RBFOX1: variants seen among roughly 807,000 people sequenced by gnomAD.
RBFOX1 encodes RNA binding protein fox-1 homolog 1.
In RBFOX1, 8 loss-of-function variants were observed where a neutral mutation model predicts 57.7. The observed-to-expected ratio is 0.14, with a 90% CI of 0.08 to 0.25. RBFOX1 has a LOEUF of 0.25. RBFOX1 is among the 10% of genes least tolerant of loss of function. RBFOX1 has a pLI of 1.00. For synonymous variants in RBFOX1, 326 were observed against 222.4 expected, an observed-to-expected ratio of 1.47 and a Z score of -4.15; for missense variants, 611 against 548.5, an observed-to-expected ratio of 1.11 and a Z score of -1.14.
intron 13 of RBFOX1, chr16:7,671,640 T>G (rs985244174): frequency 6.4e-7 from 1 of 1,568,994 alleles, no homozygotes; most frequent in Non-Finnish European, 8.8e-7. Flanking sequence ...TCACTATGAT[T>G]GTGGGTTTGC....
intron 10 of RBFOX1, among the ~76,000 whole-genome samples, chr16:7,615,156 A>G (rs1276328603): frequency 6.6e-6 from 1 of 152,012 alleles, no homozygotes; most frequent in Non-Finnish European, 1.5e-5. Flanking sequence ...ATACGGTGAA[A>G]CCCCATCTCT....
At chr16:6,436,193 C>T (rs571620026) in intron 2 of RBFOX1, among the ~76,000 whole-genome samples, 9 of 151,936 alleles carry the variant, frequency 5.9e-5, no homozygotes, top group Non-Finnish European at 1.3e-4. Flanking sequence ...AAATGTTATA[C>T]CTGCTTTAAG....
intron 5 of RBFOX1, among the ~76,000 whole-genome samples, chr16:7,539,815 C>G (rs1363519318): frequency 1.3e-5 from 2 of 152,144 alleles, no homozygotes; most frequent in Non-Finnish European, 1.5e-5. Flanking sequence ...GAGTCATTAT[C>G]AGAATGGTAA....
intron 12 of RBFOX1, among the ~76,000 whole-genome samples, chr16:7,661,508 C>A (rs1207187206): frequency 1.3e-5 from 2 of 152,184 alleles, no homozygotes; most frequent in African/African-American, 4.8e-5. Context: ...ATTTGCTTAG[C>A]CTCTCTCGTC....
At chr16:5,497,717 C>T (rs1001934901) in intron 2 of RBFOX1, among the ~76,000 whole-genome samples, 4 of 151,742 alleles carry the variant, frequency 2.6e-5, no homozygotes, top group Non-Finnish European at 4.4e-5. Flanking sequence ...AGGCAGAGGT[C>T]GCAGTGAGCT....
At chr16:7,340,861 G>A (rs1034940163) in intron 4 of RBFOX1, among the ~76,000 whole-genome samples, 3 of 152,052 alleles carry the variant, frequency 2.0e-5, no homozygotes, top group Admixed American at 6.6e-5. Context: ...CTATAAAAAG[G>A]GTGTCTTGCT....
chr16:6,801,294 A>T (rs1386531386), intron 3 of RBFOX1, among the ~76,000 whole-genome samples: 2 of 152,160 alleles, frequency 1.3e-5, no homozygotes, highest in Non-Finnish European at 2.9e-5. Flanking sequence ...CCTTTAGAAC[A>T]TATAAATGGG....
At chr16:7,645,912 G>T (rs760933720) in intron 11 of RBFOX1, among the ~76,000 whole-genome samples, 1 of 151,350 alleles carries the variant, frequency 6.6e-6, no homozygotes. Flanking sequence ...ATCAGTGACC[G>T]AAAGGATGGA....
At chr16:7,613,574 CTTTGA>C (rs763692897) in intron 10 of RBFOX1, among the ~76,000 whole-genome samples, 1 of 152,058 alleles carries the variant, frequency 6.6e-6, no homozygotes, top group Non-Finnish European at 1.5e-5. Flanking sequence ...TTATAACACT[CTTTGA>C]TTGCTTATCT....
intron 2 of RBFOX1, among the ~76,000 whole-genome samples, chr16:6,338,877 C>T (rs910723528): frequency 2.0e-5 from 3 of 152,106 alleles, no homozygotes; most frequent in Non-Finnish European, 4.4e-5. Flanking sequence ...TAAAAGTTTT[C>T]TTCATTGAAT....
At chr16:6,962,679 A>G (rs1275148186) in intron 3 of RBFOX1, among the ~76,000 whole-genome samples, 1 of 152,130 alleles carries the variant, frequency 6.6e-6, no homozygotes, top group Non-Finnish European at 1.5e-5. Context: ...AGCCTGAGCA[A>G]CACAGTGAAA....
At chr16:6,946,953 C>A (rs551030323) in intron 3 of RBFOX1, among the ~76,000 whole-genome samples, 1 of 152,074 alleles carries the variant, frequency 6.6e-6, no homozygotes, top group Non-Finnish European at 1.5e-5. Context: ...GTTTGGGAGC[C>A]ATTTGAATGT....
chr16:6,202,460 G>T (rs966615672), intron 1 of RBFOX1, among the ~76,000 whole-genome samples: 1 of 152,058 alleles, frequency 6.6e-6, no homozygotes, highest in Non-Finnish European at 1.5e-5. Flanking sequence ...GAGGCTTGGA[G>T]GGAAAAAAAG....
At chr16:5,948,650 G>A (rs968375403) in intron 4 of RBFOX1, among the ~76,000 whole-genome samples, 7 of 152,184 alleles carry the variant, frequency 4.6e-5, no homozygotes, top group African/African-American at 1.4e-4. Context: ...TTCAAGGAAT[G>A]CTGCAGATTT....
chr16:5,883,470 A>G (rs1446380378), intron 4 of RBFOX1, among the ~76,000 whole-genome samples: 6 of 152,108 alleles, frequency 3.9e-5, no homozygotes, highest in Non-Finnish European at 7.3e-5. Context: ...ATCTTACCAT[A>G]TTGGTAAGTA....
chr16:5,654,511 C>T (rs748734923), intron 3 of RBFOX1, among the ~76,000 whole-genome samples: 1 of 152,140 alleles, frequency 6.6e-6, no homozygotes, highest in East Asian at 1.9e-4. Context: ...GTTTTCTTCT[C>T]TCATTCAGAA....
chr16:6,498,852 C>T (rs2095844090), intron 2 of RBFOX1, among the ~76,000 whole-genome samples: 1 of 152,182 alleles, frequency 6.6e-6, no homozygotes. Context: ...ATGGTAAAAG[C>T]CATGGCACAG....
intron 4 of RBFOX1, among the ~76,000 whole-genome samples, chr16:5,936,978 A>G (rs569864220): frequency 6.6e-6 from 1 of 152,294 alleles, no homozygotes; most frequent in East Asian, 1.9e-4. Flanking sequence ...CTGCTCCTAT[A>G]TAATCAGTGT....
intron 1 of RBFOX1, among the ~76,000 whole-genome samples, chr16:5,403,368 C>CAAAAAAAAAAAAAAAAAAAA (rs1188182295): frequency 8.6e-6 from 1 of 116,254 alleles, no homozygotes. Flanking sequence ...AAAAAAAAAA[C>CAAAAAAAAAAAAAAAAAAAA]AAAAAACAAA....
Sources: allele counts gnomAD v4.1 joint callset (sites outside exome capture counted in the v4.1 genomes callset), GRCh38; gene constraint gnomAD v4.1.1; transcripts MANE v1.5; gene names NCBI Gene and HGNC (gene_info 2026-07-23, HGNC 2026-07-21).